The following CDON variants were observed in gnomAD, a reference collection of about 807,000 sequenced individuals.
The protein encoded by CDON is cell adhesion molecule-related/down-regulated by oncogenes.
In CDON, 73 loss-of-function variants were observed where a neutral mutation model predicts 120.9. The ratio of observed to expected loss-of-function variants is 0.60; its 90% CI spans 0.50 to 0.73. The LOEUF is 0.73. CDON is among the 30% of genes least tolerant of loss of function. The probability of loss-of-function intolerance (pLI) is 0.00; values close to 1 mark genes in which losing one functional copy is unlikely to be tolerated. For missense variants in CDON, 1,470 were observed against 1,587.3 expected, an observed-to-expected ratio of 0.93 and a Z score of 1.26; for synonymous variants, 566 against 573.5, an observed-to-expected ratio of 0.99 and a Z score of 0.19.
Position 125,961,099 on chromosome 11 carries a change from C to T in CDON, c.3638G>A (p.Ser1213Asn), listed in dbSNP as rs1163838504. ...GATCTCTGTTTCTGAATGGGCACAG[C>T]TGTCTCCTGAAACACAGCAGGGTTT... is the stretch of plus-strand genomic sequence containing the variant. ...EDPAEFSRGD[S>N]CAHSETEINI... is the part of the protein sequence containing the mutation. The change falls in exon 20 of 20, where the codon AGC becomes AAC. Residue 1213 changes from serine to asparagine, a missense_variant. Physicochemically the swap from Ser to Asn is conservative, Grantham distance 46 (BLOSUM62 1). Transcript: ENST00000531738. The T allele has an allele frequency of 6.2e-7, 1 of 1,613,974 alleles. No homozygotes were observed. The highest frequency in any genetic ancestry group is 8.5e-7 in the Non-Finnish European group (1 of 1,179,814).
chr11:126,007,600 G>A (rs1311484220), intron 8 of CDON, among the ~76,000 whole-genome samples: 1 of 152,142 alleles, frequency 6.6e-6, no homozygotes, highest in Non-Finnish European at 1.5e-5. Flanking sequence ...GTTTTCCACT[G>A]GGAAGTGGGA....
intron 18 of CDON, among the ~76,000 whole-genome samples, chr11:125,971,326 T>C (rs927602370): frequency 6.6e-6 from 1 of 151,752 alleles, no homozygotes; most frequent in East Asian, 1.9e-4. Context: ...GAGCTTGCAG[T>C]GAGCCGAGAT....
At chr11:126,027,131 A>G (rs750600141) in intron 1 of CDON, among the ~76,000 whole-genome samples, 1 of 152,210 alleles carries the variant, frequency 6.6e-6, no homozygotes, top group Non-Finnish European at 1.5e-5. Context: ...TATGGCCAGA[A>G]AAGGCATTTA....
At chr11:125,994,043 T>C (rs1460062135) in intron 14 of CDON, among the ~76,000 whole-genome samples, 1 of 152,238 alleles carries the variant, frequency 6.6e-6, no homozygotes, top group Non-Finnish European at 1.5e-5. Flanking sequence ...TTCTTTCAGA[T>C]GAACTACTAC....
intron 1 of CDON, among the ~76,000 whole-genome samples, chr11:126,031,681 G>A (rs1282036554): frequency 1.3e-5 from 2 of 152,142 alleles, no homozygotes; most frequent in South Asian, 2.1e-4. Flanking sequence ...CCATTTCCGC[G>A]AGTTGTGAAA....
intron 1 of CDON, among the ~76,000 whole-genome samples, chr11:126,050,495 A>AACACACACACACACACAC (rs10643446): frequency 1.3e-4 from 18 of 143,106 alleles, no homozygotes; most frequent in African/African-American, 4.7e-4. Context: ...GTAAGTAGCA[A>AACACACACACACACACAC]ACACACACAC....
intron 1 of CDON, among the ~76,000 whole-genome samples, chr11:126,047,934 T>C (rs1301227028): frequency 6.6e-6 from 1 of 152,174 alleles, no homozygotes; most frequent in African/African-American, 2.4e-5. Context: ...TTCAATCCCA[T>C]ATCTACTTCC....
intron 15 of CDON, among the ~76,000 whole-genome samples, chr11:125,986,494 A>G (rs1406451217): frequency 6.6e-6 from 1 of 152,198 alleles, no homozygotes; most frequent in Non-Finnish European, 1.5e-5. Context: ...GGCTGGGTGC[A>G]GTGGCTCACG....
At chr11:126,020,724 A>C (rs889638310) in intron 3 of CDON, among the ~76,000 whole-genome samples, 1 of 152,242 alleles carries the variant, frequency 6.6e-6, no homozygotes, top group Non-Finnish European at 1.5e-5. Context: ...CCGTAAGTTC[A>C]ATACTCAACA....
chr11:126,008,022 T>C (rs1947177680), intron 8 of CDON, among the ~76,000 whole-genome samples: 2 of 152,172 alleles, frequency 1.3e-5, no homozygotes, highest in Non-Finnish European at 2.9e-5. Context: ...TGGAAACTAA[T>C]TAAACAGGGA....
chr11:126,026,879 G>T (rs1226774010), intron 1 of CDON, among the ~76,000 whole-genome samples: 1 of 152,176 alleles, frequency 6.6e-6, no homozygotes, highest in Non-Finnish European at 1.5e-5. Flanking sequence ...AAGAAGGATT[G>T]TTTCTTCCTT....
rs900713120 is a variant in CDON at position 126,005,705 on chromosome 11, T to C, written c.1851+54A>G. 24 of 1,521,874 alleles carry C rather than the reference T, an allele frequency of 1.6e-5. No individual in the cohort carries two copies. In the African/African-American group the frequency reaches 2.3e-4, roughly 15 times the overall value. 94.3% of individuals were successfully genotyped at this position (1,521,874 alleles called of 1,614,324 possible). On this transcript the variant is annotated intron_variant, in intron 9 of 19. Coordinates refer to ENST00000531738, the MANE Select transcript of CDON (RefSeq NM_001378964.1). ...AATGAAAAGGCAACAGTATATGTTA[T>C]ACAAAGAACGTTCAGGTGTGAGCCG...
chr11:125,995,148 G>A, intron 12 of CDON, 96 bp from the exon 13 acceptor site: 1 of 1,048,056 alleles, frequency 9.5e-7, no homozygotes, highest in Non-Finnish European at 1.5e-6. Context: ...GTCAAAATAT[G>A]GCAATTGTGC....
Position 125,959,697 on chromosome 11 carries a change from T to C in CDON, c.*1245A>G, listed in dbSNP as rs2134327545. On this transcript the variant is annotated 3_prime_UTR_variant, in exon 20 of 20. Transcript: ENST00000531738. ...ACTCACCCCTGCAGGCCGTTGCCTA[T>C]GCTGGAGATGGGGGATGACTAGTTT... is the stretch of plus-strand genomic sequence containing the variant. The C allele has an allele frequency of 6.6e-6, 1 of 152,330 alleles. No individual in the cohort carries two copies. Among genetic ancestry groups the C allele is most frequent in the Middle Eastern group, 3.4e-3 (1 of 292 alleles). The allele number at this position is 152,330 out of a possible 1,614,324, so 9.4% of individuals were successfully genotyped here. A position where few individuals can be genotyped will look rare whatever the true frequency, so the allele number is the denominator to read the frequency against.
intron 6 of CDON, among the ~76,000 whole-genome samples, chr11:126,015,871 C>A (rs1442586544): frequency 6.6e-6 from 1 of 152,176 alleles, no homozygotes; most frequent in African/African-American, 2.4e-5. Flanking sequence ...GGATTTCACA[C>A]TAAACAGAAG....
intron 4 of CDON, among the ~76,000 whole-genome samples, chr11:126,019,372 T>A (rs866905193): frequency 6.6e-6 from 1 of 152,202 alleles, no homozygotes; most frequent in Non-Finnish European, 1.5e-5. Context: ...CATATTATTT[T>A]AGATAGGACC....
intron 18 of CDON, among the ~76,000 whole-genome samples, chr11:125,974,303 T>C (rs1374166518): frequency 6.7e-6 from 1 of 150,254 alleles, no homozygotes; most frequent in East Asian, 2.0e-4. Context: ...AGTACCTAGT[T>C]TGGTGCTTGG....
At position 126,041,990 on chromosome 11, in the gene CDON, T is replaced by G. The variant is rs552051815; in HGVS notation, c.-61-18453A>C. Among the ~76,000 whole-genome samples, 37 of 152,296 alleles carry G rather than the reference T, an allele frequency of 2.4e-4. 1 individual carries two copies. In the South Asian group the frequency reaches 7.3e-3, roughly 30 times the overall value. ...ACTTCTGCCTCCCAGGTTCAAGCGA[T>G]TCTCCTGCCTCAGCCTCCTGAGTAG... is the stretch of plus-strand genomic sequence containing the variant. On this transcript the variant is annotated intron_variant, in intron 1 of 19. Transcript: ENST00000531738.
At chr11:126,041,965 A>G (rs1263743239) in intron 1 of CDON, among the ~76,000 whole-genome samples, 2 of 151,938 alleles carry the variant, frequency 1.3e-5, no homozygotes, top group Non-Finnish European at 2.9e-5. Flanking sequence ...GCTCACCACA[A>G]CTTCTGCCTC....
Sources: gnomAD v4.1 joint callset for allele counts (sites outside exome capture counted in the v4.1 genomes callset) on GRCh38, gnomAD v4.1.1 for gene constraint, MANE v1.5 for transcripts, NCBI Gene and HGNC (gene_info 2026-07-23, HGNC 2026-07-21) for gene names.